Variants in NRG3 observed in about 807,000 individuals in gnomAD.
NRG3 encodes the protein pro-neuregulin-3, membrane-bound isoform.
A neutral mutation model predicts 66.9 loss-of-function variants in NRG3; 31 were observed. The observed-to-expected ratio is 0.46, with a 90% CI of 0.35 to 0.63. The LOEUF is 0.63. NRG3 is among the 20% of genes least tolerant of loss of function. NRG3 has a pLI of 0.00. For missense variants in NRG3, 910 were observed against 878.9 expected (o/e 1.04, Z -0.45); for synonymous variants, 393 against 359.4 (o/e 1.09, Z -1.06).
intron 3 of NRG3, among the ~76,000 whole-genome samples, chr10:82,836,494 C>T (rs1441994731): frequency 6.6e-6 from 1 of 152,116 alleles, no homozygotes; most frequent in African/African-American, 2.4e-5. Flanking sequence ...ATTTTCAACT[C>T]GGCTGTCCTT....
intron 1 of NRG3, among the ~76,000 whole-genome samples, chr10:81,992,630 C>T (rs2060785648): frequency 6.6e-6 from 1 of 152,128 alleles, no homozygotes; most frequent in South Asian, 2.1e-4. Flanking sequence ...CCTTTTCTAA[C>T]ACTGTGGATG....
At chr10:82,463,370 GCT>G (rs150239740) in intron 2 of NRG3, among the ~76,000 whole-genome samples, 2 of 150,944 alleles carry the variant, frequency 1.3e-5, no homozygotes, top group Non-Finnish European at 3.0e-5. Flanking sequence ...TGAGCAAAAT[GCT>G]CTCTCTCTCT....
intron 2 of NRG3, among the ~76,000 whole-genome samples, chr10:82,384,646 A>G (rs1209640658): frequency 6.6e-6 from 1 of 152,146 alleles, no homozygotes; most frequent in Admixed American, 6.5e-5. Context: ...TCCATGGTGT[A>G]TATGTGCCAC....
intron 2 of NRG3, among the ~76,000 whole-genome samples, chr10:82,580,498 A>T (rs1034898955): frequency 1.3e-5 from 2 of 151,904 alleles, no homozygotes; most frequent in South Asian, 2.1e-4. Flanking sequence ...CCATCAGAGT[A>T]TAACACAGAA....
intron 3 of NRG3, among the ~76,000 whole-genome samples, chr10:82,776,261 G>A (rs1033855137): frequency 6.6e-6 from 1 of 152,038 alleles, no homozygotes; most frequent in Non-Finnish European, 1.5e-5. Flanking sequence ...ATTCTTTTCT[G>A]ACCTGTGATA....
rs114296620 is a variant in NRG3 at position 81,974,513 on chromosome 10, C to T, written c.823+98350C>T. Among the ~76,000 whole-genome samples the T allele has an allele frequency of 8.7e-3, 1,320 of 152,030 alleles. 24 individuals are homozygous for T. Among genetic ancestry groups the T allele is most frequent in the African/African-American group, 0.03 (1,234 of 41,458 alleles). ...AAAGCAGCTCTAAAATCCCCCTCCC[C>T]GATAATGGAGTTATAGGGCTCTTTA... On this transcript the variant is annotated intron_variant, in intron 1 of 8. Coordinates refer to ENST00000372141, the MANE Select transcript of NRG3 (RefSeq NM_001010848.4).
intron 1 of NRG3, among the ~76,000 whole-genome samples, chr10:81,984,947 T>C (rs2060467614): frequency 6.6e-6 from 1 of 152,122 alleles, no homozygotes; most frequent in Non-Finnish European, 1.5e-5. Context: ...ATGTTTTTCA[T>C]AAATAGCAAA....
chr10:82,835,832 T>G (rs2062746400), intron 3 of NRG3, among the ~76,000 whole-genome samples: 1 of 152,156 alleles, frequency 6.6e-6, no homozygotes, highest in Non-Finnish European at 1.5e-5. Flanking sequence ...GAATAGGTAC[T>G]GAAGAAGAAA....
At chr10:82,502,267 A>G (rs952636250) in intron 2 of NRG3, among the ~76,000 whole-genome samples, 1 of 152,074 alleles carries the variant, frequency 6.6e-6, no homozygotes, top group Non-Finnish European at 1.5e-5. Context: ...ACACACACTG[A>G]TGTGTGAATG....
At chr10:82,454,514 G>A (rs957153396) in intron 2 of NRG3, among the ~76,000 whole-genome samples, 10 of 152,102 alleles carry the variant, frequency 6.6e-5, no homozygotes, top group South Asian at 4.1e-4. Context: ...CAAAAAGCCC[G>A]AAGTGTAAAA....
At chr10:81,935,652 A>G (rs1847785387) in intron 1 of NRG3, among the ~76,000 whole-genome samples, 1 of 151,988 alleles carries the variant, frequency 6.6e-6, no homozygotes, top group Non-Finnish European at 1.5e-5. Flanking sequence ...TGCCTATTTG[A>G]CAGAAGGATT....
intron 1 of NRG3, chr10:81,878,159 T>C: frequency 7.3e-7 from 1 of 1,366,904 alleles, no homozygotes. Flanking sequence ...GCAGCCTGTT[T>C]AATAAGTAAT....
intron 1 of NRG3, among the ~76,000 whole-genome samples, chr10:82,131,390 T>G (rs1205566134): frequency 6.6e-6 from 1 of 152,176 alleles, no homozygotes; most frequent in Non-Finnish European, 1.5e-5. Context: ...TTCTGTTCCA[T>G]TAGTCTATAT....
intron 2 of NRG3, among the ~76,000 whole-genome samples, chr10:82,498,586 A>G (rs1843835341): frequency 6.6e-6 from 1 of 152,190 alleles, no homozygotes; most frequent in Non-Finnish European, 1.5e-5. Flanking sequence ...TAGTGAGTTC[A>G]TTACAGCTGG....
At chr10:82,673,306 G>T (rs1429384772) in intron 2 of NRG3, among the ~76,000 whole-genome samples, 1 of 152,148 alleles carries the variant, frequency 6.6e-6, no homozygotes, top group Non-Finnish European at 1.5e-5. Context: ...TTTCTTAAAT[G>T]TATATATAGC....
intron 2 of NRG3, among the ~76,000 whole-genome samples, chr10:82,686,465 G>A (rs1193657699): frequency 2.6e-5 from 4 of 152,084 alleles, no homozygotes; most frequent in Non-Finnish European, 5.9e-5. Context: ...TGGGATTATA[G>A]GCACGAGCCA....
At chr10:82,969,113 G>A (rs1057094658) in intron 6 of NRG3, among the ~76,000 whole-genome samples, 3 of 152,156 alleles carry the variant, frequency 2.0e-5, no homozygotes, top group Admixed American at 1.3e-4. Flanking sequence ...GATGCAATTT[G>A]GGTGGGGACA....
intron 1 of NRG3, among the ~76,000 whole-genome samples, chr10:82,162,208 C>G (rs1468883061): frequency 1.3e-5 from 2 of 152,082 alleles, no homozygotes; most frequent in Non-Finnish European, 2.9e-5. Flanking sequence ...ACACTAGTTT[C>G]CAGGATGGGT....
chr10:82,108,562 G>C (rs545019152), intron 1 of NRG3, among the ~76,000 whole-genome samples: 6 of 152,162 alleles, frequency 3.9e-5, no homozygotes, highest in African/African-American at 1.4e-4. Context: ...TTGATAATCT[G>C]AATATAAATA....
Sources: allele counts gnomAD v4.1 joint callset (sites outside exome capture counted in the v4.1 genomes callset), GRCh38; gene constraint gnomAD v4.1.1; transcripts MANE v1.5; gene names NCBI Gene and HGNC (gene_info 2026-07-23, HGNC 2026-07-21).